SLC25A13: variants seen among roughly 807,000 people sequenced by gnomAD.
SLC25A13 encodes the protein solute carrier family 25 member 13.
In SLC25A13, 70 loss-of-function variants were observed where a neutral mutation model predicts 85.5. The observed-to-expected ratio is 0.82, with a 90% CI of 0.68 to 1.00. The LOEUF (loss-of-function observed/expected upper bound fraction) is 1.00, where lower values mean the gene tolerates loss of function less well. Ranked by LOEUF, SLC25A13 falls within the 50% of genes least tolerant of loss-of-function variation. The pLI is 0.00. For synonymous variants in SLC25A13, 259 were observed against 288.7 expected, an observed-to-expected ratio of 0.90 and a Z score of 1.04; for missense variants, 765 against 819.8, an observed-to-expected ratio of 0.93 and a Z score of 0.82.
chr7:96,240,741 C>G (rs1796938136), intron 3 of SLC25A13, among the ~76,000 whole-genome samples: 1 of 115,702 alleles, frequency 8.6e-6, no homozygotes, highest in Non-Finnish European at 1.9e-5. Context: ...GAGACACCAT[C>G]TACTAGAAAA....
intron 13 of SLC25A13, among the ~76,000 whole-genome samples, chr7:96,163,111 A>G (rs1017856588): frequency 2.6e-5 from 4 of 152,120 alleles, no homozygotes; most frequent in Admixed American, 1.3e-4. Flanking sequence ...TATTATTCCT[A>G]TTACGATGTA....
At chr7:96,164,278 G>C (rs1176270032) in intron 13 of SLC25A13, among the ~76,000 whole-genome samples, 3 of 152,164 alleles carry the variant, frequency 2.0e-5, no homozygotes, top group Non-Finnish European at 4.4e-5. Flanking sequence ...ATGCCATGTG[G>C]AGAACCTGTT....
At chr7:96,274,895 T>C (rs1798386080) in intron 3 of SLC25A13, among the ~76,000 whole-genome samples, 1 of 152,238 alleles carries the variant, frequency 6.6e-6, no homozygotes, top group Non-Finnish European at 1.5e-5. Flanking sequence ...AGTACCATGC[T>C]GTTTTGGTTA....
At chr7:96,176,348 T>C (rs1384272559) in intron 11 of SLC25A13, among the ~76,000 whole-genome samples, 1 of 152,246 alleles carries the variant, frequency 6.6e-6, no homozygotes, top group Non-Finnish European at 1.5e-5. Context: ...GTGTGTTGTT[T>C]CTAACTTGTC....
intron 4 of SLC25A13, among the ~76,000 whole-genome samples, chr7:96,216,630 T>TA (rs1416010310): frequency 2.6e-5 from 4 of 152,150 alleles, no homozygotes; most frequent in African/African-American, 9.7e-5. Context: ...CCGTTATCAT[T>TA]AGCAAACTAA....
At chr7:96,191,296 T>C (rs768587084) in intron 6 of SLC25A13, 49 bp from the exon 7 acceptor site, 38 of 1,598,128 alleles carry the variant, frequency 2.4e-5, no homozygotes, top group Non-Finnish European at 3.2e-5. Context: ...AAAAGATTTA[T>C]AGATGATTCA....
At chr7:96,164,711 T>C (rs1020442632) in intron 13 of SLC25A13, among the ~76,000 whole-genome samples, 1 of 143,150 alleles carries the variant, frequency 7.0e-6, no homozygotes, top group South Asian at 2.3e-4. Flanking sequence ...GGATTAACTT[T>C]ACACACACAC....
At chr7:96,182,705 C>T (rs1794466216) in intron 11 of SLC25A13, among the ~76,000 whole-genome samples, 1 of 152,040 alleles carries the variant, frequency 6.6e-6, no homozygotes, top group Non-Finnish European at 1.5e-5. Context: ...ATAGACGTAA[C>T]CAAAAATCAG....
intron 15 of SLC25A13, among the ~76,000 whole-genome samples, chr7:96,130,835 T>C (rs1791997302): frequency 6.6e-6 from 1 of 152,150 alleles, no homozygotes; most frequent in Admixed American, 6.6e-5. Flanking sequence ...GGAAAAGGAT[T>C]AACTAAGAAT....
intron 3 of SLC25A13, among the ~76,000 whole-genome samples, chr7:96,236,770 A>C (rs1302655102): frequency 6.6e-6 from 1 of 152,206 alleles, no homozygotes; most frequent in Middle Eastern, 3.2e-3. Flanking sequence ...AGGATTAAAG[A>C]ATTTGGTAAC....
intron 14 of SLC25A13, among the ~76,000 whole-genome samples, chr7:96,146,311 C>T (rs2116480219): frequency 6.6e-6 from 1 of 152,144 alleles, no homozygotes; most frequent in Admixed American, 6.5e-5. Context: ...CACTGAACAA[C>T]TCTAGAGGGC....
At chr7:96,196,905 T>C (rs1795083912) in intron 5 of SLC25A13, among the ~76,000 whole-genome samples, 1 of 152,190 alleles carries the variant, frequency 6.6e-6, no homozygotes, top group African/African-American at 2.4e-5. Context: ...AACCATGCAA[T>C]AGCACTTAGC....
chr7:96,184,155 A>C (rs1201309769), intron 11 of SLC25A13, 122 bp downstream of exon 11: 1 of 1,256,906 alleles, frequency 8.0e-7, no homozygotes, highest in Non-Finnish European at 1.2e-6. Context: ...AGCATGGATA[A>C]TTGAAAATCT....
chr7:96,124,597 T>C (rs1215342248), intron 15 of SLC25A13, among the ~76,000 whole-genome samples: 1 of 152,232 alleles, frequency 6.6e-6, no homozygotes, highest in African/African-American at 2.4e-5. Context: ...TTATTGTTGA[T>C]ATTTGCCTGG....
At chr7:96,316,857 C>T (rs1223089842) in intron 1 of SLC25A13, among the ~76,000 whole-genome samples, 1 of 152,178 alleles carries the variant, frequency 6.6e-6, no homozygotes, top group African/African-American at 2.4e-5. Flanking sequence ...TATTCTCCAC[C>T]ACACTAAACT....
At chr7:96,263,026 G>GA (rs5885951) in intron 3 of SLC25A13, among the ~76,000 whole-genome samples, 68,898 of 133,070 alleles carry the variant, frequency 0.52, 18,839 homozygotes, top group Non-Finnish European at 0.61. Flanking sequence ...AACCATCTAG[G>GA]AAAAAAAAAA....
intron 3 of SLC25A13, among the ~76,000 whole-genome samples, chr7:96,250,282 T>C (rs927961012): frequency 3.9e-5 from 6 of 152,214 alleles, no homozygotes; most frequent in Non-Finnish European, 7.3e-5. Context: ...TTCAGCTAAA[T>C]CCTTAGGGGC....
chr7:96,120,582 T>C lies in SLC25A13; in HGVS notation c.*609A>G, dbSNP rs1791457011. 4.4e-6 allele frequency: 2 copies of C among 454,544 alleles called. No individual in the cohort carries two copies. The highest frequency in any genetic ancestry group is 1.6e-5 in the South Asian group (1 of 64,480). The allele number at this position is 454,544 out of a possible 1,614,324, so 28.2% of individuals were successfully genotyped here. ...CTAAAGTACAAAGGCATTTCCCTAG[T>C]AGTCTTGGTACCAGTAACAATATGA... On this transcript the variant is annotated 3_prime_UTR_variant, in exon 18 of 18. Transcript: ENST00000265631.
chr7:96,315,598 C>T (rs556550107), intron 1 of SLC25A13, among the ~76,000 whole-genome samples: 1 of 152,122 alleles, frequency 6.6e-6, no homozygotes, highest in Non-Finnish European at 1.5e-5. Flanking sequence ...ACATAAATTC[C>T]AAGGCCATCC....
Sources: gnomAD v4.1 joint callset for allele counts (sites outside exome capture counted in the v4.1 genomes callset) on GRCh38, gnomAD v4.1.1 for gene constraint, MANE v1.5 for transcripts, NCBI Gene and HGNC (gene_info 2026-07-23, HGNC 2026-07-21) for gene names.